Variants in DRC9 observed in about 807,000 individuals in gnomAD.
DRC9 encodes dynein regulatory complex protein 9.
chr3:197,913,898 A>G, the DRC9 span: 1 of 1,614,132 alleles, frequency 6.2e-7, no homozygotes, highest in Non-Finnish European at 8.5e-7. Context: ...TCTTCCACCA[A>G]GAGTTCCTCT....
the DRC9 span, among the ~76,000 whole-genome samples, chr3:197,935,309 G>A: frequency 2.0e-5 from 3 of 151,998 alleles, no homozygotes; most frequent in Middle Eastern, 3.4e-3. Flanking sequence ...GCGTGGTGAC[G>A]CACGCCAGTA....
the DRC9 span, among the ~76,000 whole-genome samples, chr3:197,911,479 AGT>A: frequency 6.6e-6 from 1 of 152,342 alleles, no homozygotes; most frequent in African/African-American, 2.4e-5. Context: ...ATAAAAAAAA[AGT>A]GTAACAAATA....
At chr3:197,954,507 G>T in the DRC9 span, 1 of 334,148 alleles carries the variant, frequency 3.0e-6, no homozygotes, top group Non-Finnish European at 5.7e-6. Flanking sequence ...CTAATTTTTG[G>T]GGTTTTTGTT....
chr3:197,944,130 G>A, the DRC9 span: 6 of 1,267,870 alleles, frequency 4.7e-6, no homozygotes, highest in East Asian at 2.3e-5. Flanking sequence ...AGGCAGCAAC[G>A]TGCTGGGCTC....
At chr3:197,897,770 CTT>C in the DRC9 span, among the ~76,000 whole-genome samples, 23 of 126,324 alleles carry the variant, frequency 1.8e-4, no homozygotes, top group Non-Finnish European at 1.6e-4. Flanking sequence ...AAGCATAAAC[CTT>C]TTTTTTTTTT....
chr3:197,916,674 A>G, the DRC9 span, among the ~76,000 whole-genome samples: 1 of 151,926 alleles, frequency 6.6e-6, no homozygotes. Context: ...GAACTCCTAG[A>G]CTCAAGGAAT....
At chr3:197,953,429 A>G in the DRC9 span, 1 of 456,618 alleles carries the variant, frequency 2.2e-6, no homozygotes. Flanking sequence ...GAACCACAGT[A>G]GTTTCTCTCA....
chr3:197,909,945 G>A, the DRC9 span, among the ~76,000 whole-genome samples: 3 of 152,096 alleles, frequency 2.0e-5, no homozygotes, highest in Admixed American at 6.6e-5. Context: ...AGCCGAGATC[G>A]CGCCATTGCA....
the DRC9 span, among the ~76,000 whole-genome samples, chr3:197,948,385 C>T: frequency 3.3e-5 from 5 of 152,208 alleles, no homozygotes; most frequent in Admixed American, 6.5e-5. Context: ...ACTACTTTCC[C>T]GCAGAGCTGT....
the DRC9 span, among the ~76,000 whole-genome samples, chr3:197,899,109 G>T: frequency 5.9e-5 from 9 of 152,100 alleles, no homozygotes; most frequent in African/African-American, 2.2e-4. Context: ...CTCATAAAGA[G>T]ATAAAAGATC....
At chr3:197,913,874 G>T in the DRC9 span, 3 of 1,613,916 alleles carry the variant, frequency 1.9e-6, no homozygotes, top group Non-Finnish European at 2.5e-6. Flanking sequence ...AATGTCCCAG[G>T]GATTACCTCA....
chr3:197,943,647 A>T, the DRC9 span: 1 of 890,074 alleles, frequency 1.1e-6, no homozygotes, highest in Non-Finnish European at 1.7e-6. Context: ...AAAAAAAAAA[A>T]GAAAAGAAAC....
chr3:197,931,437 G>A, the DRC9 span, among the ~76,000 whole-genome samples: 18 of 151,732 alleles, frequency 1.2e-4, no homozygotes, highest in Admixed American at 1.1e-3. Context: ...AACTGAGATC[G>A]TGCCACTGTA....
the DRC9 span, among the ~76,000 whole-genome samples, chr3:197,916,009 A>G: frequency 1.3e-5 from 2 of 151,648 alleles, no homozygotes; most frequent in African/African-American, 2.4e-5. Context: ...GTTTAGAGAC[A>G]GGATCTCCCT....
chr3:197,946,939 C>T, the DRC9 span, among the ~76,000 whole-genome samples: 2 of 152,134 alleles, frequency 1.3e-5, no homozygotes, highest in African/African-American at 2.4e-5. Context: ...TTCCCTGCCT[C>T]AGCCTCCCGA....
the DRC9 span, chr3:197,950,746 A>G: frequency 2.5e-5 from 15 of 608,726 alleles, no homozygotes; most frequent in East Asian, 4.1e-4. Context: ...CTTAGATACC[A>G]GCTGTTCTCT....
the DRC9 span, chr3:197,938,725 G>C: frequency 2.5e-6 from 4 of 1,614,038 alleles, no homozygotes; most frequent in Non-Finnish European, 3.4e-6. Context: ...TGTGATTGTT[G>C]AGGCCATTGG....
the DRC9 span, chr3:197,912,814 T>C: frequency 9.7e-6 from 13 of 1,341,976 alleles, no homozygotes; most frequent in Non-Finnish European, 1.4e-5. Context: ...GTTCTCAAGA[T>C]GAGAGCAGCA....
At chr3:197,945,641 C>T in the DRC9 span, 22 of 1,580,716 alleles carry the variant, frequency 1.4e-5, no homozygotes, top group Admixed American at 3.6e-5. Context: ...TCTGTAGCTT[C>T]GTTACCCTCC....
Sources: allele counts gnomAD v4.1 joint callset (sites outside exome capture counted in the v4.1 genomes callset), GRCh38; gene constraint gnomAD v4.1.1; transcripts MANE v1.5; gene names NCBI Gene and HGNC (gene_info 2026-07-23, HGNC 2026-07-21).